Variants in TTC7A observed in about 807,000 individuals in gnomAD.
TTC7A encodes the protein tetratricopeptide repeat domain 7A, also known as tetratricopeptide repeat protein 7A.
A neutral mutation model predicts 103.7 loss-of-function variants in TTC7A; 110 were observed. The observed-to-expected ratio is 1.06, with a 90% CI of 0.91 to 1.24. The LOEUF (loss-of-function observed/expected upper bound fraction) is 1.24, where lower values mean the gene tolerates loss of function less well. Among genes scored for constraint, TTC7A ranks in the 50% most tolerant of loss-of-function variants. The pLI is 0.00. For missense variants in TTC7A, 1,340 were observed against 1,116.3 expected, an observed-to-expected ratio of 1.20 and a Z score of -2.86; for synonymous variants, 521 against 467.9, an observed-to-expected ratio of 1.11 and a Z score of -1.47.
At chr2:46,926,309 C>T (rs1271573642) in intron 2 of TTC7A, among the ~76,000 whole-genome samples, 1 of 152,172 alleles carries the variant, frequency 6.6e-6, no homozygotes, top group Non-Finnish European at 1.5e-5. Context: ...AGGTACTGTG[C>T]TAAACAGTGG....
In TTC7A at chr2:47,041,396, C is replaced by T. The variant is rs940774832; in HGVS notation, c.1803-4919C>T. ...ACGATGAGGCACAGGACAAGATAAA[C>T]GGTGGTTTCACCATCCATAGGCCGG... is the stretch of plus-strand genomic sequence containing the variant. On this transcript the variant is annotated intron_variant, in intron 15 of 19. Coordinates refer to ENST00000319190, the MANE Select transcript of TTC7A (RefSeq NM_020458.4). Among the ~76,000 whole-genome samples the T allele has an allele frequency of 3.9e-5, 6 of 152,174 alleles. 1 individual carries two copies. The highest frequency in any genetic ancestry group is 1.4e-4 in the African/African-American group (6 of 41,426).
At chr2:47,014,447 A>G (rs1371405008) in intron 11 of TTC7A, among the ~76,000 whole-genome samples, 1 of 152,182 alleles carries the variant, frequency 6.6e-6, no homozygotes, top group African/African-American at 2.4e-5. Context: ...AGCTCCCCAC[A>G]AATTTCGTGT....
In TTC7A at chr2:46,941,865, A is replaced by T; in HGVS notation, c.184+140A>T. 1 of 1,083,216 alleles carries T rather than the reference A, an allele frequency of 9.2e-7. No homozygotes were observed. The highest frequency in any genetic ancestry group is 1.3e-6 in the Non-Finnish European group (1 of 758,724). The allele number at this position is 1,083,216 out of a possible 1,614,324, so 67.1% of individuals were successfully genotyped here. A position where few individuals can be genotyped will look rare whatever the true frequency, so the allele number is the denominator to read the frequency against. ...TGCTAGTCTTAAGAGCAGCCAGGGC[A>T]GTTAGGAAGGTCCTTCTGCCGCGAG... is the stretch of plus-strand genomic sequence containing the variant. On this transcript the variant is annotated intron_variant, in intron 1 of 19. Coordinates refer to ENST00000319190, the MANE Select transcript of TTC7A (RefSeq NM_020458.4). The surrounding 1 kb of genome is among the most constrained non-coding windows in gnomAD (Gnocchi z 4.2).
At chr2:47,037,294 A>G (rs903183975) in intron 15 of TTC7A, among the ~76,000 whole-genome samples, 3 of 152,220 alleles carry the variant, frequency 2.0e-5, no homozygotes, top group Admixed American at 6.5e-5. Flanking sequence ...CATGGTAGGG[A>G]AACCCCCACT....
intron 2 of TTC7A, chr2:46,956,512 G>T (rs989749703): frequency 3.5e-6 from 1 of 284,792 alleles, no homozygotes; most frequent in Non-Finnish European, 6.7e-6. Flanking sequence ...AGTGCCCCCT[G>T]GGGCTGCAGT....
chr2:46,923,944 C>A (rs1297055757), intron 2 of TTC7A, among the ~76,000 whole-genome samples: 2 of 152,098 alleles, frequency 1.3e-5, no homozygotes, highest in Admixed American at 1.3e-4. Flanking sequence ...CCATGTTGGC[C>A]AGGCTGGTCT....
intron 19 of TTC7A, 124 bp downstream of exon 19, chr2:47,061,095 G>C (rs1309911818): frequency 1.1e-5 from 11 of 1,035,120 alleles, no homozygotes; most frequent in Non-Finnish European, 1.5e-5. Context: ...CTGTTCCCTG[G>C]TGTCTAGGGG....
At chr2:47,001,984 A>G (rs1676870094) in intron 8 of TTC7A, among the ~76,000 whole-genome samples, 1 of 151,976 alleles carries the variant, frequency 6.6e-6, no homozygotes, top group African/African-American at 2.4e-5. Flanking sequence ...CTAAGGTCCC[A>G]TGTTTGCTTC....
intron 2 of TTC7A, among the ~76,000 whole-genome samples, chr2:46,935,919 A>G (rs1416175572): frequency 4.6e-5 from 7 of 151,992 alleles, no homozygotes. Context: ...AGCAAGATTC[A>G]GTCTCTTAAA....
chr2:46,926,541 C>G (rs1669392797), intron 2 of TTC7A, among the ~76,000 whole-genome samples: 3 of 152,196 alleles, frequency 2.0e-5, no homozygotes, highest in Admixed American at 6.5e-5. Flanking sequence ...TGGACCACAG[C>G]CGAATGTCAA....
chr2:47,024,375 TC>T lies in TTC7A; in HGVS notation c.1641+18del, dbSNP rs1434273639. ...CGTCCGACAGGTGGGTTGTCCGTGTTCCTAACCCCCGGGTCCTCGGGGGCTG... is the reference window on the plus strand; with the variant it reads ...CGTCCGACAGGTGGGTTGTCCGTGTTCTAACCCCCGGGTCCTCGGGGGCTG... On this transcript the variant is annotated intron_variant, in intron 14 of 19. Coordinates refer to ENST00000319190, the MANE Select transcript of TTC7A (RefSeq NM_020458.4). 2 of 1,600,840 alleles carry T rather than the reference TC, an allele frequency of 1.2e-6. No homozygotes were observed. Among genetic ancestry groups the T allele is most frequent in the Non-Finnish European group, 1.7e-6 (2 of 1,173,732 alleles).
intron 19 of TTC7A, among the ~76,000 whole-genome samples, chr2:47,063,679 A>C (rs1337319359): frequency 6.6e-6 from 1 of 152,222 alleles, no homozygotes; most frequent in Non-Finnish European, 1.5e-5. Flanking sequence ...TGGCCTTACC[A>C]TGCCACTGTG....
chr2:46,988,385 C>A (rs1392124901), intron 5 of TTC7A, among the ~76,000 whole-genome samples: 1 of 152,208 alleles, frequency 6.6e-6, no homozygotes, highest in Non-Finnish European at 1.5e-5. Flanking sequence ...CTGACCTTGT[C>A]CCCTGATTCA....
intron 5 of TTC7A, among the ~76,000 whole-genome samples, chr2:46,988,369 C>T (rs778948361): frequency 1.1e-4 from 17 of 152,218 alleles, no homozygotes; most frequent in Non-Finnish European, 2.4e-4. Flanking sequence ...ACCATTTGAA[C>T]TTCACCTGAC....
chr2:46,927,094 A>G lies in TTC7A; in HGVS notation c.82+9817A>G, dbSNP rs547016096. On this transcript the variant is annotated intron_variant, in intron 2 of 20. Coordinates refer to the TTC7A transcript ENST00000409245. The stretch of plus-strand genomic sequence containing the variant: ...ACAAAAAGATAGAAAATACAAAAGG[A>G]TAAGAGTCACAGAGAATTCAGTGAG... 2.6e-5 allele frequency among the ~76,000 whole-genome samples: 4 copies of G among 152,318 alleles called. No individual in the cohort carries two copies. In the East Asian group the frequency reaches 5.8e-4, roughly 22 times the overall value.
chr2:47,053,579 G>A (rs1158718767), intron 18 of TTC7A, among the ~76,000 whole-genome samples: 2 of 151,062 alleles, frequency 1.3e-5, no homozygotes, highest in Non-Finnish European at 2.9e-5. Context: ...TGGTTGGTTG[G>A]TTGGTTTTTT....
chr2:47,033,958 G>A (rs1680839200), intron 15 of TTC7A, among the ~76,000 whole-genome samples: 1 of 152,204 alleles, frequency 6.6e-6, no homozygotes. Flanking sequence ...CATACAGGCA[G>A]CCTCTAGGCT....
intron 2 of TTC7A, among the ~76,000 whole-genome samples, chr2:46,924,767 C>T (rs951085193): frequency 6.6e-6 from 1 of 152,182 alleles, no homozygotes; most frequent in Admixed American, 6.5e-5. Context: ...GCTGGGACTA[C>T]AGGCACACTG....
chr2:46,974,353 C>G (rs116053809), intron 3 of TTC7A, among the ~76,000 whole-genome samples: 7 of 152,234 alleles, frequency 4.6e-5, no homozygotes, highest in Non-Finnish European at 1.0e-4. Flanking sequence ...ACCAGGTGGT[C>G]GAGCTGGCAC....
Sources: gnomAD v4.1 joint callset for allele counts (sites outside exome capture counted in the v4.1 genomes callset) on GRCh38, gnomAD v4.1.1 for gene constraint, Gnocchi (gnomAD v3.1) non-coding constraint, MANE v1.5 for transcripts, NCBI Gene and HGNC (gene_info 2026-07-23, HGNC 2026-07-21) for gene names.